The following SLC9A9 variants were observed in gnomAD, a reference collection of about 807,000 sequenced individuals.
The protein encoded by SLC9A9 is solute carrier family 9 member A9, also known as sodium/hydrogen exchanger 9.
In SLC9A9, 62 loss-of-function variants were observed where a neutral mutation model predicts 77.8. The ratio of observed to expected loss-of-function variants is 0.80; its 90% CI spans 0.65 to 0.98. SLC9A9 has a LOEUF of 0.98. Among genes scored for constraint, SLC9A9 ranks in the 50% least tolerant of loss-of-function variants. The probability of loss-of-function intolerance (pLI) is 0.00; values close to 1 mark genes in which losing one functional copy is unlikely to be tolerated. For synonymous variants in SLC9A9, 320 were observed against 283.5 expected, an observed-to-expected ratio of 1.13 and a Z score of -1.29; for missense variants, 775 against 774.9, an observed-to-expected ratio of 1.00 and a Z score of 0.00.
At chr3:143,650,533 C>T (rs1209458290) in intron 6 of SLC9A9, among the ~76,000 whole-genome samples, 1 of 152,176 alleles carries the variant, frequency 6.6e-6, no homozygotes, top group Non-Finnish European at 1.5e-5. Flanking sequence ...CTATGGACCA[C>T]TCAGCAGAGC....
In SLC9A9 at chr3:143,723,237, A is replaced by G. The variant is rs563803606; in HGVS notation, c.534-29930T>C. On this transcript the variant is annotated intron_variant, in intron 4 of 15. Coordinates refer to ENST00000316549, the MANE Select transcript of SLC9A9 (RefSeq NM_173653.4). ...GAACAAAGATTGCTTTTAGAAATCA[A>G]CAAACCAATAAGCAGAAAAAAAAAA... is the stretch of plus-strand genomic sequence containing the variant. 1.3e-4 allele frequency among the ~76,000 whole-genome samples: 20 copies of G among 152,314 alleles called. 1 individual carries two copies. The South Asian group carries it at 3.7e-3, about 28-fold the overall frequency.
At chr3:143,623,222 A>G (rs1284299120) in intron 6 of SLC9A9, among the ~76,000 whole-genome samples, 1 of 152,162 alleles carries the variant, frequency 6.6e-6, no homozygotes, top group Non-Finnish European at 1.5e-5. Flanking sequence ...GAAAATTAAC[A>G]AGGATATCCA....
intron 4 of SLC9A9, among the ~76,000 whole-genome samples, chr3:143,774,625 G>A (rs1006341968): frequency 1.3e-5 from 2 of 152,108 alleles, no homozygotes; most frequent in East Asian, 1.9e-4. Flanking sequence ...TAGCTCTTAC[G>A]TTATTATGTG....
intron 11 of SLC9A9, among the ~76,000 whole-genome samples, chr3:143,477,347 T>TCCCCC (rs1553758985): frequency 9.7e-6 from 1 of 103,046 alleles, no homozygotes; most frequent in African/African-American, 4.3e-5. Context: ...TTTTTTTTTT[T>TCCCCC]CCCCCTCCCC....
intron 14 of SLC9A9, among the ~76,000 whole-genome samples, chr3:143,269,336 A>T (rs1937832727): frequency 6.6e-6 from 1 of 152,230 alleles, no homozygotes; most frequent in Non-Finnish European, 1.5e-5. Flanking sequence ...TTAAAACTGT[A>T]CACACGCGTA....
chr3:143,797,478 A>G (rs1316413508), intron 2 of SLC9A9, among the ~76,000 whole-genome samples: 1 of 152,192 alleles, frequency 6.6e-6, no homozygotes, highest in Non-Finnish European at 1.5e-5. Context: ...AAGCCATCAT[A>G]TCCCCTGTGA....
At chr3:143,362,453 G>C (rs143627443) in intron 14 of SLC9A9, among the ~76,000 whole-genome samples, 20 of 151,992 alleles carry the variant, frequency 1.3e-4, no homozygotes, top group Middle Eastern at 3.4e-3. Context: ...CTTAATTTTT[G>C]CTTTCTATTT....
At chr3:143,279,711 A>G (rs1364817198) in intron 14 of SLC9A9, among the ~76,000 whole-genome samples, 1 of 152,180 alleles carries the variant, frequency 6.6e-6, no homozygotes, top group Non-Finnish European at 1.5e-5. Context: ...GATGCTGTTC[A>G]GCTTCATCCA....
intron 9 of SLC9A9, among the ~76,000 whole-genome samples, chr3:143,519,958 AG>A (rs1235879758): frequency 1.3e-5 from 2 of 152,172 alleles, no homozygotes; most frequent in African/African-American, 4.8e-5. Flanking sequence ...GGATGTGTGA[AG>A]TTTAAGATGC....
At position 143,796,942 on chromosome 3, in the gene SLC9A9, C is replaced by A. The variant is rs376029520; in HGVS notation, c.379-39G>T. The A allele has an allele frequency of 4.9e-4, 724 of 1,490,808 alleles. 8 individuals are homozygous for A. In the African/African-American group the frequency reaches 9.1e-3, roughly 19 times the overall value. 92.3% of individuals were successfully genotyped at this position (1,490,808 alleles called of 1,614,324 possible). ...AAAAAAGGATAGTTAGAATGATGCTCCTTTGGGTCATTAAAAAAACATGTT... is the reference window on the plus strand; with the variant it reads ...AAAAAAGGATAGTTAGAATGATGCTACTTTGGGTCATTAAAAAAACATGTT... On this transcript the variant is annotated intron_variant, in intron 2 of 15. Coordinates refer to ENST00000316549, the MANE Select transcript of SLC9A9 (RefSeq NM_173653.4).
At chr3:143,803,004 G>C (rs1489031303) in intron 2 of SLC9A9, among the ~76,000 whole-genome samples, 1 of 152,110 alleles carries the variant, frequency 6.6e-6, no homozygotes, top group East Asian at 1.9e-4. Flanking sequence ...GCCTACTCCA[G>C]ATTCTCAACC....
intron 11 of SLC9A9, among the ~76,000 whole-genome samples, chr3:143,491,630 C>G (rs970823988): frequency 1.3e-5 from 2 of 152,154 alleles, no homozygotes; most frequent in Non-Finnish European, 2.9e-5. Context: ...TCCAATACTA[C>G]CGTTAAACAA....
chr3:143,541,460 G>C (rs1323043740), intron 9 of SLC9A9, among the ~76,000 whole-genome samples: 1 of 152,198 alleles, frequency 6.6e-6, no homozygotes, highest in Non-Finnish European at 1.5e-5. Context: ...CAGCAAAGCT[G>C]ATACTCCTGG....
chr3:143,494,975 A>G (rs1381841006), intron 10 of SLC9A9, among the ~76,000 whole-genome samples: 1 of 152,180 alleles, frequency 6.6e-6, no homozygotes, highest in African/African-American at 2.4e-5. Context: ...TTCCTGATAT[A>G]CTCTAATGCA....
At chr3:143,643,477 T>G (rs2038654672) in intron 6 of SLC9A9, among the ~76,000 whole-genome samples, 1 of 152,192 alleles carries the variant, frequency 6.6e-6, no homozygotes. Context: ...GGTTCTGATT[T>G]CCACATGGAA....
chr3:143,461,081 T>C (rs1040650972), intron 12 of SLC9A9, among the ~76,000 whole-genome samples: 1 of 152,176 alleles, frequency 6.6e-6, no homozygotes, highest in African/African-American at 2.4e-5. Flanking sequence ...AGAAAATCAC[T>C]ACAAAATATA....
intron 4 of SLC9A9, among the ~76,000 whole-genome samples, chr3:143,753,879 C>A (rs1431403250): frequency 2.6e-5 from 4 of 152,190 alleles, no homozygotes; most frequent in Non-Finnish European, 5.9e-5. Context: ...AAGAAAAAAA[C>A]ATTTTTAATA....
intron 4 of SLC9A9, among the ~76,000 whole-genome samples, chr3:143,784,450 T>C (rs915875717): frequency 3.9e-5 from 6 of 152,160 alleles, no homozygotes. Context: ...TACTCTGGCA[T>C]GTTTCATTTT....
chr3:143,269,767 A>G (rs561844191), intron 14 of SLC9A9, among the ~76,000 whole-genome samples: 108 of 152,318 alleles, frequency 7.1e-4, no homozygotes, highest in Non-Finnish European at 1.1e-3. Flanking sequence ...CCTCTGCTGG[A>G]GAGTATTTCA....
Sources: gnomAD v4.1 joint callset for allele counts (sites outside exome capture counted in the v4.1 genomes callset) on GRCh38, gnomAD v4.1.1 for gene constraint, MANE v1.5 for transcripts, NCBI Gene and HGNC (gene_info 2026-07-23, HGNC 2026-07-21) for gene names.